Variants in DLGAP2 observed in about 807,000 individuals in gnomAD.
DLGAP2 encodes DLG associated protein 2, also known as disks large-associated protein 2.
In DLGAP2, 26 loss-of-function variants were observed where a neutral mutation model predicts 100.3. That is an observed-to-expected ratio of 0.26 (90% CI 0.19 to 0.36). The LOEUF (loss-of-function observed/expected upper bound fraction) is 0.36, where lower values mean the gene tolerates loss of function less well. Among genes scored for constraint, DLGAP2 ranks in the 10% least tolerant of loss-of-function variants. The pLI is 1.00. For missense variants in DLGAP2, 1,858 were observed against 1,453.2 expected, an observed-to-expected ratio of 1.28 and a Z score of -4.53; for synonymous variants, 886 against 630.1, an observed-to-expected ratio of 1.41 and a Z score of -6.08.
intron 1 of DLGAP2, among the ~76,000 whole-genome samples, chr8:801,667 G>A (rs1428925866): frequency 1.3e-5 from 2 of 152,102 alleles, no homozygotes; most frequent in Non-Finnish European, 2.9e-5. Flanking sequence ...CCTGTGCAGC[G>A]GGCTTCCTGT....
intron 2 of DLGAP2, among the ~76,000 whole-genome samples, chr8:994,117 C>T (rs1476968457): frequency 6.6e-6 from 1 of 152,188 alleles, no homozygotes; most frequent in Non-Finnish European, 1.5e-5. Context: ...CGCCACTGCA[C>T]TACAATGTCA....
intron 2 of DLGAP2, among the ~76,000 whole-genome samples, chr8:1,121,525 T>C (rs560625969): frequency 1.4e-5 from 2 of 138,848 alleles, no homozygotes; most frequent in Non-Finnish European, 3.1e-5. Flanking sequence ...CATTACCACC[T>C]ATCCTTGTTC....
intron 3 of DLGAP2, among the ~76,000 whole-genome samples, chr8:1,287,157 T>TGTGTGCGCAC (rs1315463950): frequency 1.0e-5 from 1 of 99,438 alleles, no homozygotes; most frequent in Non-Finnish European, 2.3e-5. Context: ...TGTGTGTGTG[T>TGTGTGCGCAC]GCGCGCGCGC....
intron 3 of DLGAP2, among the ~76,000 whole-genome samples, chr8:1,411,099 TC>T (rs1335409969): frequency 2.0e-5 from 3 of 152,172 alleles, no homozygotes; most frequent in African/African-American, 7.2e-5. Context: ...GTTGTTCCTT[TC>T]AGGTATTCAG....
intron 2 of DLGAP2, among the ~76,000 whole-genome samples, chr8:1,107,771 C>T (rs1299801622): frequency 1.3e-5 from 2 of 152,226 alleles, no homozygotes; most frequent in Admixed American, 6.5e-5. Flanking sequence ...TCTCCATCCC[C>T]CTCTGTGAGT....
At chr8:1,260,678 T>C (rs1799328700) in intron 3 of DLGAP2, among the ~76,000 whole-genome samples, 1 of 152,000 alleles carries the variant, frequency 6.6e-6, no homozygotes, top group Non-Finnish European at 1.5e-5. Context: ...GGCGAGGGTT[T>C]GGACTGAATG....
intron 8 of DLGAP2, among the ~76,000 whole-genome samples, chr8:1,662,402 T>A (rs1430948316): frequency 6.6e-6 from 1 of 152,212 alleles, no homozygotes; most frequent in African/African-American, 2.4e-5. Flanking sequence ...CCGCCATAAA[T>A]CTTGCTGAAA....
At position 950,671 on chromosome 8, in the gene DLGAP2, G is replaced by C. The variant is rs146358755; in HGVS notation, c.73+42705G>C. On this transcript the variant is annotated intron_variant, in intron 2 of 14. Transcript: ENST00000637795. ...GAGTCTCGCTCTGTCACCCAGGCTG[G>C]AGTGTAGTGGCACGATCTTGGCTCA... Among the ~76,000 whole-genome samples the C allele has an allele frequency of 5.8e-4, 86 of 149,204 alleles. 2 individuals are homozygous for C. In the East Asian group the frequency reaches 0.013, roughly 22 times the overall value.
intron 3 of DLGAP2, among the ~76,000 whole-genome samples, chr8:1,340,070 C>T (rs1439017513): frequency 6.6e-6 from 1 of 152,122 alleles, no homozygotes; most frequent in Non-Finnish European, 1.5e-5. Context: ...CCCTTTCTTC[C>T]ACCATATGCC....
At chr8:833,717 G>A (rs1396975736) in intron 1 of DLGAP2, among the ~76,000 whole-genome samples, 1 of 152,094 alleles carries the variant, frequency 6.6e-6, no homozygotes, top group Non-Finnish European at 1.5e-5. Context: ...CTTCTTTGGG[G>A]GTCATTATTC....
chr8:802,544 C>T (rs1036886665), intron 1 of DLGAP2, among the ~76,000 whole-genome samples: 9 of 152,172 alleles, frequency 5.9e-5, no homozygotes, highest in Admixed American at 1.3e-4. Flanking sequence ...CCAGTCCGGA[C>T]GGCACATCCA....
intron 3 of DLGAP2, among the ~76,000 whole-genome samples, chr8:1,435,957 G>A (rs74736986): frequency 0.013 from 1,977 of 152,256 alleles, 53 homozygotes; most frequent in African/African-American, 0.045. Flanking sequence ...TTGTACAGCT[G>A]TACAATGCAT....
At chr8:985,129 G>A (rs1342071364) in intron 2 of DLGAP2, among the ~76,000 whole-genome samples, 1 of 152,174 alleles carries the variant, frequency 6.6e-6, no homozygotes, top group African/African-American at 2.4e-5. Flanking sequence ...GAGATCTTCG[G>A]GTATTTCCAA....
chr8:1,143,573 G>C (rs1173573691), intron 2 of DLGAP2, among the ~76,000 whole-genome samples: 1 of 152,192 alleles, frequency 6.6e-6, no homozygotes, highest in African/African-American at 2.4e-5. Context: ...TCAGGACTCA[G>C]CCCCGGGCTC....
intron 3 of DLGAP2, among the ~76,000 whole-genome samples, chr8:1,287,545 ATGTGTG>A (rs1185150668): frequency 7.0e-5 from 2 of 28,604 alleles, no homozygotes; most frequent in East Asian, 1.4e-3. Flanking sequence ...GTGTGTGTGT[ATGTGTG>A]TGTGGTTCTG....
intron 1 of DLGAP2, among the ~76,000 whole-genome samples, chr8:866,141 G>T (rs976783506): frequency 6.6e-6 from 1 of 152,092 alleles, no homozygotes; most frequent in Admixed American, 6.5e-5. Flanking sequence ...TGTGTGTCCT[G>T]CAGCACGGTT....
intron 2 of DLGAP2, among the ~76,000 whole-genome samples, chr8:964,295 G>C (rs1799794151): frequency 6.6e-6 from 1 of 152,170 alleles, no homozygotes; most frequent in South Asian, 2.1e-4. Context: ...GCTTCACAGA[G>C]GGCTATTCCC....
intron 3 of DLGAP2, among the ~76,000 whole-genome samples, chr8:1,437,525 A>G (rs1440328961): frequency 1.3e-5 from 2 of 152,152 alleles, no homozygotes; most frequent in African/African-American, 4.8e-5. Context: ...ACCTCCTGGA[A>G]CACCTTAGTT....
intron 2 of DLGAP2, among the ~76,000 whole-genome samples, chr8:946,374 C>T (rs1300965841): frequency 6.6e-6 from 1 of 151,398 alleles, no homozygotes; most frequent in Non-Finnish European, 1.5e-5. Flanking sequence ...CACCATTCTT[C>T]TGCCTCAGAC....
Sources: gnomAD v4.1 joint callset for allele counts (sites outside exome capture counted in the v4.1 genomes callset) on GRCh38, gnomAD v4.1.1 for gene constraint, MANE v1.5 for transcripts, NCBI Gene and HGNC (gene_info 2026-07-23, HGNC 2026-07-21) for gene names.